PARN: variants seen among roughly 807,000 people sequenced by gnomAD.
The protein encoded by PARN is poly(A)-specific ribonuclease PARN.
Under a neutral mutation model 102.8 loss-of-function variants are expected in PARN, and 71 were observed. That is an observed-to-expected ratio of 0.69 (90% CI 0.57 to 0.84). The LOEUF (loss-of-function observed/expected upper bound fraction) is 0.84. Ranked by LOEUF, PARN falls within the 40% of genes least tolerant of loss-of-function variation. The pLI is 0.00. For missense variants in PARN, 782 were observed against 760.9 expected (o/e 1.03, Z -0.33); for synonymous variants, 261 against 252.9 (o/e 1.03, Z -0.30).
chr16:14,460,856 C>A, intron 22 of PARN, among the ~76,000 whole-genome samples: 1 of 152,200 alleles, frequency 6.6e-6, no homozygotes, highest in East Asian at 1.9e-4. Flanking sequence ...TAACTCCCCA[C>A]CACTTAGACT....
chr16:14,588,752 T>C (rs1313508886), intron 13 of PARN, among the ~76,000 whole-genome samples: 2 of 151,854 alleles, frequency 1.3e-5, no homozygotes, highest in African/African-American at 2.4e-5. Context: ...TGTGGTGGCG[T>C]ACACCTGTAA....
chr16:14,467,533 C>A (rs573182254), intron 22 of PARN, among the ~76,000 whole-genome samples: 1 of 152,180 alleles, frequency 6.6e-6, no homozygotes, highest in African/African-American at 2.4e-5. Flanking sequence ...TTCTCTTTAT[C>A]AAATAGATGA....
At chr16:14,605,887 T>C (rs1295395707) in intron 10 of PARN, among the ~76,000 whole-genome samples, 1 of 152,202 alleles carries the variant, frequency 6.6e-6, no homozygotes. Flanking sequence ...CTTTCTGCCA[T>C]AGTAAGAATA....
At chr16:14,537,970 A>C (rs1966683044) in intron 21 of PARN, among the ~76,000 whole-genome samples, 1 of 152,212 alleles carries the variant, frequency 6.6e-6, no homozygotes, top group Admixed American at 6.5e-5. Context: ...AAACTATAAT[A>C]CATCTTTGAC....
intron 5 of PARN, among the ~76,000 whole-genome samples, chr16:14,625,929 C>T (rs1198533172): frequency 6.6e-6 from 1 of 152,294 alleles, no homozygotes; most frequent in South Asian, 2.1e-4. Flanking sequence ...AACCATACCC[C>T]TTACTCACAT....
chr16:14,575,838 C>G (rs1438105620), intron 18 of PARN, among the ~76,000 whole-genome samples: 1 of 152,166 alleles, frequency 6.6e-6, no homozygotes, highest in African/African-American at 2.4e-5. Flanking sequence ...TTAACTCCCA[C>G]AATTCCCACA....
chr16:14,630,042 C>G (rs371974538), intron 1 of PARN, 65 bp downstream of exon 1: 703 of 1,445,284 alleles, frequency 4.9e-4, no homozygotes, highest in Non-Finnish European at 5.7e-4. Context: ...CGGCCATGGT[C>G]TCGGCCTAGC....
chr16:14,589,522 G>A (rs946848512), intron 13 of PARN, among the ~76,000 whole-genome samples: 5 of 150,690 alleles, frequency 3.3e-5, no homozygotes, highest in African/African-American at 4.9e-5. Flanking sequence ...CCAAGATGGC[G>A]CCACTGCACT....
chr16:14,510,084 A>G (rs1036896392), intron 21 of PARN, among the ~76,000 whole-genome samples: 3 of 152,190 alleles, frequency 2.0e-5, no homozygotes, highest in African/African-American at 2.4e-5. Context: ...CGGATCACCT[A>G]AAGATTCCTC....
intron 18 of PARN, among the ~76,000 whole-genome samples, chr16:14,580,437 G>A: frequency 6.6e-6 from 1 of 151,976 alleles, no homozygotes. Context: ...ACAGGCACAT[G>A]CCACCACGCC....
intron 21 of PARN, among the ~76,000 whole-genome samples, chr16:14,490,289 A>C (rs1052176677): frequency 6.6e-6 from 1 of 152,254 alleles, no homozygotes; most frequent in African/African-American, 2.4e-5. Flanking sequence ...ACTCATAAAA[A>C]GGGACTGGCC....
At chr16:14,519,957 G>T (rs1393758898) in intron 21 of PARN, among the ~76,000 whole-genome samples, 1 of 151,920 alleles carries the variant, frequency 6.6e-6, no homozygotes, top group Non-Finnish European at 1.5e-5. Flanking sequence ...CACACAAAAA[G>T]AGAGATACTA....
chr16:14,566,237 G>A (rs1567392659), intron 18 of PARN, among the ~76,000 whole-genome samples: 1 of 152,174 alleles, frequency 6.6e-6, no homozygotes, highest in Non-Finnish European at 1.5e-5. Flanking sequence ...TGGGATTGAT[G>A]ATATTATCTG....
chr16:14,556,322 C>T (rs979374504), intron 18 of PARN, among the ~76,000 whole-genome samples: 1 of 151,478 alleles, frequency 6.6e-6, no homozygotes, highest in African/African-American at 2.4e-5. Flanking sequence ...CCAAGCCCAG[C>T]TAATTTTTTG....
At chr16:14,562,811 G>C (rs970140993) in intron 18 of PARN, among the ~76,000 whole-genome samples, 4 of 152,134 alleles carry the variant, frequency 2.6e-5, no homozygotes, top group African/African-American at 9.7e-5. Context: ...AAAAGAATCA[G>C]ACACCTCTAA....
chr16:14,601,475 T>C (rs567275280), intron 11 of PARN, among the ~76,000 whole-genome samples: 1 of 152,170 alleles, frequency 6.6e-6, no homozygotes, highest in East Asian at 1.9e-4. Flanking sequence ...AGCTGCTTGA[T>C]TAGTACAGTT....
rs540805562 is a variant in PARN at position 14,482,391 on chromosome 16, C to CA, written c.1670+246dup. Among the ~76,000 whole-genome samples, 188 of 131,792 alleles carry CA rather than the reference C, an allele frequency of 1.4e-3. 1 individual carries two copies. Among genetic ancestry groups the CA allele is most frequent in the South Asian group, 2.6e-3 (11 of 4,154 alleles). 86.5% of individuals were successfully genotyped at this position (131,792 alleles called of 152,430 possible). ...TGGGCAACAGAATGAGACCCTGTCT[C>CA]AAAAAAAAAAAAAATTCCTGTCTAC... is the stretch of plus-strand genomic sequence containing the variant. On this transcript the variant is annotated intron_variant, in intron 22 of 23. Transcript: ENST00000437198.
At chr16:14,482,571 T>G in intron 22 of PARN, 67 bp downstream of exon 22, 2 of 1,262,668 alleles carry the variant, frequency 1.6e-6, no homozygotes, top group Non-Finnish European at 2.2e-6. Flanking sequence ...TACAAACCTA[T>G]GAGAAGCAAC....
intron 17 of PARN, 24 bp from the exon 18 acceptor site, chr16:14,580,967 A>G (rs1203846734): frequency 6.8e-7 from 1 of 1,462,722 alleles, no homozygotes; most frequent in African/African-American, 1.4e-5. Flanking sequence ...GAAGAGAGGT[A>G]TTATTATTCA....
Sources: allele counts gnomAD v4.1 joint callset (sites outside exome capture counted in the v4.1 genomes callset), GRCh38; gene constraint gnomAD v4.1.1; transcripts MANE v1.5; gene names NCBI Gene and HGNC (gene_info 2026-07-23, HGNC 2026-07-21).